The following MED12L variants were observed in gnomAD, a reference collection of about 807,000 sequenced individuals.
The protein encoded by MED12L is mediator of RNA polymerase II transcription subunit 12-like protein.
A neutral mutation model predicts 281.3 loss-of-function variants in MED12L; 60 were observed. That is an observed-to-expected ratio of 0.21 (90% CI 0.17 to 0.26). The LOEUF is 0.26. Among genes scored for constraint, MED12L ranks in the 10% least tolerant of loss-of-function variants. MED12L has a pLI of 1.00. For synonymous variants in MED12L, 974 were observed against 987.2 expected (o/e 0.99, Z 0.25); for missense variants, 2,146 against 2,680.9 (o/e 0.80, Z 4.41).
At chr3:151,295,720 G>T (rs1744992290) in intron 16 of MED12L, among the ~76,000 whole-genome samples, 1 of 152,100 alleles carries the variant, frequency 6.6e-6, no homozygotes, top group East Asian at 1.9e-4. Context: ...GGGTCATTTT[G>T]AATTTTTTGC....
At position 151,126,954 on chromosome 3, in the gene MED12L, C is replaced by T. The variant is rs543676801; in HGVS notation, c.397-871C>T. ...GGAGTACAGAGGGGGTCATGGCTGGCGTGGGGCATGTCCTTGGCCCTCAGT... is the reference window on the plus strand; with the variant it reads ...GGAGTACAGAGGGGGTCATGGCTGGTGTGGGGCATGTCCTTGGCCCTCAGT... On this transcript the variant is annotated intron_variant, in intron 4 of 44. Coordinates refer to ENST00000687756, the MANE Select transcript of MED12L (RefSeq NM_001393769.1). Among the ~76,000 whole-genome samples the T allele has an allele frequency of 3.3e-5, 5 of 152,160 alleles. No individual in the cohort carries two copies. In the South Asian group the frequency reaches 8.3e-4, roughly 25 times the overall value.
rs191783956 is a variant in MED12L at position 151,106,549 on chromosome 3, C to G, written c.100-9789C>G. 7.6e-4 allele frequency among the ~76,000 whole-genome samples: 115 copies of G among 152,264 alleles called. 1 individual carries two copies. The highest frequency in any genetic ancestry group is 2.5e-3 in the African/African-American group (104 of 41,548). On this transcript the variant is annotated intron_variant, in intron 2 of 44. Coordinates refer to ENST00000687756, the MANE Select transcript of MED12L (RefSeq NM_001393769.1). ...AAGCTCTTTACTTGGTTCACAGACC[C>G]TGCATAGTCTCTCCCCCAACCTGTA...
intron 43 of MED12L, among the ~76,000 whole-genome samples, chr3:151,429,751 C>A (rs1719270829): frequency 6.6e-6 from 1 of 152,150 alleles, no homozygotes; most frequent in African/African-American, 2.4e-5. Flanking sequence ...TAGTGCCTCA[C>A]TCACTCATCC....
chr3:151,360,719 T>C, intron 21 of MED12L, 114 bp downstream of exon 21: 1 of 970,448 alleles, frequency 1.0e-6, no homozygotes, highest in South Asian at 1.7e-5. Flanking sequence ...TTGTATCTAT[T>C]AGGCAGTAAT....
At chr3:151,300,311 T>G (rs561392024) in intron 16 of MED12L, 26 of 595,846 alleles carry the variant, frequency 4.4e-5, no homozygotes, top group Non-Finnish European at 6.6e-5. Context: ...AAGCATGTGC[T>G]CTTTGGAGAT....
At chr3:151,381,718 A>T (rs1712382255) in intron 32 of MED12L, among the ~76,000 whole-genome samples, 1 of 152,118 alleles carries the variant, frequency 6.6e-6, no homozygotes, top group African/African-American at 2.4e-5. Context: ...ACTTAGTTTT[A>T]TTTGTCCCAC....
chr3:151,423,591 G>GA (rs1718528278), intron 43 of MED12L, among the ~76,000 whole-genome samples: 1 of 152,152 alleles, frequency 6.6e-6, no homozygotes, highest in Non-Finnish European at 1.5e-5. Context: ...CCCTTGCTGG[G>GA]AAAATATATT....
At chr3:151,128,150 T>A (rs1228733432) in intron 5 of MED12L, among the ~76,000 whole-genome samples, 166 bp downstream of exon 5, 1 of 152,186 alleles carries the variant, frequency 6.6e-6, no homozygotes, top group African/African-American at 2.4e-5. Flanking sequence ...TCACTCAGTC[T>A]CAGAATCCTG....
At position 151,170,230 on chromosome 3, in the gene MED12L, G is replaced by A. The variant is rs75180872; in HGVS notation, c.1494+4248G>A. 3.4e-3 allele frequency among the ~76,000 whole-genome samples: 521 copies of A among 151,880 alleles called. 1 individual carries two copies. The highest frequency in any genetic ancestry group is 0.012 in the African/African-American group (489 of 41,404). Reference sequence around the variant, plus strand: ...TGGGGTGTGCCAGGCTATGTGGTGTGCCTTCACTGATTCCACATGGAATGC... The same window carrying A: ...TGGGGTGTGCCAGGCTATGTGGTGTACCTTCACTGATTCCACATGGAATGC... On this transcript the variant is annotated intron_variant, in intron 11 of 44. Coordinates refer to ENST00000687756, the MANE Select transcript of MED12L (RefSeq NM_001393769.1).
intron 16 of MED12L, among the ~76,000 whole-genome samples, chr3:151,300,442 A>C (rs1745746092): frequency 6.6e-6 from 1 of 152,116 alleles, no homozygotes; most frequent in Non-Finnish European, 1.5e-5. Context: ...ACAACATCTT[A>C]ATAAAGGTTA....
chr3:151,141,188 T>TTTTTTTGTTTTTTTG, intron 5 of MED12L, among the ~76,000 whole-genome samples: 1 of 88,922 alleles, frequency 1.1e-5, no homozygotes, highest in South Asian at 3.2e-4. Context: ...GTTTTTTTTG[T>TTTTTTTGTTTTTTTG]TTTTTTTTTT....
chr3:151,380,732 T>G (rs1712152195), intron 32 of MED12L, among the ~76,000 whole-genome samples: 1 of 152,192 alleles, frequency 6.6e-6, no homozygotes, highest in Admixed American at 6.5e-5. Flanking sequence ...ATGAGATATA[T>G]ACAATAAATG....
chr3:151,400,111 G>T (rs1185309500), intron 39 of MED12L, among the ~76,000 whole-genome samples: 2 of 151,978 alleles, frequency 1.3e-5, no homozygotes, highest in Admixed American at 1.3e-4. Context: ...ATAGGCGCGA[G>T]CCACCGCGCC....
intron 16 of MED12L, among the ~76,000 whole-genome samples, chr3:151,273,535 C>A (rs1373389061): frequency 6.6e-6 from 1 of 151,872 alleles, no homozygotes; most frequent in Non-Finnish European, 1.5e-5. Flanking sequence ...GCCACTGCGC[C>A]CGGCCTGATT....
chr3:151,317,163 A>C (rs1577316992), intron 16 of MED12L, among the ~76,000 whole-genome samples: 1 of 152,166 alleles, frequency 6.6e-6, no homozygotes, highest in South Asian at 2.1e-4. Context: ...TTCTTTGAAA[A>C]TATTATTCTA....
chr3:151,114,872 C>T (rs1016991892), intron 2 of MED12L, among the ~76,000 whole-genome samples: 1 of 151,674 alleles, frequency 6.6e-6, no homozygotes, highest in Admixed American at 6.6e-5. Context: ...GAGTTGTAGG[C>T]ACATATTTTT....
chr3:151,178,134 G>A (rs1318453107), intron 11 of MED12L, among the ~76,000 whole-genome samples: 1 of 123,716 alleles, frequency 8.1e-6, no homozygotes, highest in African/African-American at 3.1e-5. Context: ...CTCCAGCCTG[G>A]GCAACAGAAT....
chr3:151,233,955 T>C (rs1732232310), intron 16 of MED12L, among the ~76,000 whole-genome samples: 1 of 152,260 alleles, frequency 6.6e-6, no homozygotes, highest in Non-Finnish European at 1.5e-5. Flanking sequence ...TGTAATCTTT[T>C]AGGACTTTAA....
At chr3:151,182,711 G>C (rs536820548) in intron 11 of MED12L, among the ~76,000 whole-genome samples, 1 of 152,176 alleles carries the variant, frequency 6.6e-6, no homozygotes, top group Non-Finnish European at 1.5e-5. Context: ...CCTGAATGGT[G>C]ATGCCATTTT....
Sources: gnomAD v4.1 joint callset for allele counts (sites outside exome capture counted in the v4.1 genomes callset) on GRCh38, gnomAD v4.1.1 for gene constraint, MANE v1.5 for transcripts, NCBI Gene and HGNC (gene_info 2026-07-23, HGNC 2026-07-21) for gene names.